CYRIB: variants seen among roughly 807,000 people sequenced by gnomAD.
CYRIB encodes CYFIP related Rac1 interactor B, also known as CYFIP-related Rac1 interactor B.
Under a neutral mutation model 44.2 loss-of-function variants are expected in CYRIB, and 8 were observed. The ratio of observed to expected loss-of-function variants is 0.18; its 90% CI spans 0.11 to 0.33. The LOEUF is 0.33. Among genes scored for constraint, CYRIB ranks in the 10% least tolerant of loss-of-function variants. CYRIB has a pLI of 1.00. For missense variants in CYRIB, 185 were observed against 382.8 expected (o/e 0.48, Z 4.31); for synonymous variants, 131 against 127.2 (o/e 1.03, Z -0.20).
At chr8:129,875,524 TTTA>T (rs2058811423) in intron 3 of CYRIB, among the ~76,000 whole-genome samples, 3 of 152,230 alleles carry the variant, frequency 2.0e-5, no homozygotes, top group African/African-American at 7.2e-5. Flanking sequence ...TTGAGTGCTT[TTTA>T]TATGCTGTCA....
chr8:129,932,410 G>C (rs2091772150), intron 1 of CYRIB, among the ~76,000 whole-genome samples: 1 of 152,108 alleles, frequency 6.6e-6, no homozygotes, highest in African/African-American at 2.4e-5. Flanking sequence ...CCAGAGCAAA[G>C]GGCAGGCGTG....
At chr8:129,933,087 C>G (rs2091980523) in intron 1 of CYRIB, among the ~76,000 whole-genome samples, 2 of 152,134 alleles carry the variant, frequency 1.3e-5, no homozygotes, top group African/African-American at 4.8e-5. Flanking sequence ...CAAGGAATCC[C>G]CTAAACTAAA....
At chr8:129,845,408 A>C (rs2039329378) in intron 11 of CYRIB, among the ~76,000 whole-genome samples, 1 of 152,236 alleles carries the variant, frequency 6.6e-6, no homozygotes, top group Non-Finnish European at 1.5e-5. Flanking sequence ...TGATATCATT[A>C]AATATTGGCA....
rs538824273 is a variant in CYRIB, at chr8:129,979,001, C to T, written c.-295-8006G>A. Among the ~76,000 whole-genome samples, 8 of 151,988 alleles carry T rather than the reference C, an allele frequency of 5.3e-5. No individual in the cohort carries two copies. In the South Asian group the frequency reaches 8.3e-4, roughly 16 times the overall value. On this transcript the variant is annotated intron_variant, in intron 1 of 14. Transcript: ENST00000401979. ...AAAAATACCAAAAAAATTAGCTGGGCGTAGTGGTGTGTGCCTGTAATCCCA... is the reference window on the plus strand; with the variant it reads ...AAAAATACCAAAAAAATTAGCTGGGTGTAGTGGTGTGTGCCTGTAATCCCA...
At chr8:129,868,615 A>G (rs746869787) in intron 4 of CYRIB, 2 of 152,112 alleles carry the variant, frequency 1.3e-5, no homozygotes, top group African/African-American at 2.4e-5. Flanking sequence ...GGAAAACAGC[A>G]CTACTGAGTG....
chr8:129,924,374 T>A (rs1238145838), intron 1 of CYRIB, among the ~76,000 whole-genome samples: 3 of 145,480 alleles, frequency 2.1e-5, no homozygotes, highest in African/African-American at 7.6e-5. Flanking sequence ...GGGGTAGATC[T>A]GTTTCCAGAA....
chr8:129,964,159 A>G (rs2095383835), intron 2 of CYRIB, among the ~76,000 whole-genome samples: 1 of 152,270 alleles, frequency 6.6e-6, no homozygotes, highest in Non-Finnish European at 1.5e-5. Flanking sequence ...CCTAAAGGTC[A>G]GTCTTTTTAA....
intron 2 of CYRIB, among the ~76,000 whole-genome samples, chr8:129,968,494 AT>A (rs1294674864): frequency 6.6e-6 from 1 of 152,146 alleles, no homozygotes; most frequent in Non-Finnish European, 1.5e-5. Flanking sequence ...TGGTTTTATT[AT>A]TTCCAACTTG....
At chr8:129,883,157 ATCTAAC>A (rs1461791179) in intron 2 of CYRIB, among the ~76,000 whole-genome samples, 1 of 144,964 alleles carries the variant, frequency 6.9e-6, no homozygotes, top group Admixed American at 7.0e-5. Context: ...GGCTCAGTTT[ATCTAAC>A]ACAGTGTTTC....
chr8:129,969,015 C>CTTTTTTTTTTTTTTTTTTTTTT (rs55873104), intron 2 of CYRIB, among the ~76,000 whole-genome samples: 1 of 76,866 alleles, frequency 1.3e-5, no homozygotes, highest in Non-Finnish European at 2.3e-5. Flanking sequence ...ATTTGTCCTC[C>CTTTTTTTTTTTTTTTTTTTTTT]TTTTTTTTTT....
upstream of CYRIB, among the ~76,000 whole-genome samples, chr8:130,016,851 T>C (rs1247655299): frequency 2.0e-5 from 3 of 151,916 alleles, no homozygotes; most frequent in Non-Finnish European, 2.9e-5. Context: ...CGGGGCGCGC[T>C]GCGATTGGGG....
chr8:129,928,738 AC>A (rs1254736151), intron 1 of CYRIB, among the ~76,000 whole-genome samples: 2 of 152,126 alleles, frequency 1.3e-5, no homozygotes, highest in Non-Finnish European at 2.9e-5. Context: ...GATTAGGGAA[AC>A]TCAAACCACA....
At chr8:130,004,923 C>T (rs28409866) in intron 1 of CYRIB, among the ~76,000 whole-genome samples, 9,746 of 151,820 alleles carry the variant, frequency 0.064, 1,013 homozygotes, top group African/African-American at 0.22. Context: ...CGTGCCACCA[C>T]ACCTGGCTAA....
intron 1 of CYRIB, among the ~76,000 whole-genome samples, chr8:129,980,688 A>C (rs2096195840): frequency 6.6e-6 from 1 of 151,818 alleles, no homozygotes; most frequent in African/African-American, 2.4e-5. Context: ...GAAAAAAAAA[A>C]CCATACTATG....
rs3832560 is a variant in CYRIB at position 129,862,362 on chromosome 8, T to TA, written c.196-29dup. The TA allele has an allele frequency of 3.6e-4, 558 of 1,531,858 alleles. 3 individuals are homozygous for TA. The East Asian group carries it at 9.5e-3, about 26-fold the overall frequency. The allele number at this position is 1,531,858 out of a possible 1,614,324, so 94.9% of individuals were successfully genotyped here. On this transcript the variant is annotated intron_variant, in intron 4 of 11. Coordinates refer to ENST00000519824, the Ensembl canonical transcript of CYRIB. ...TCAAAATCCAAAGAATAAAAATAGT[T>TA]AGAGTTAAAAAAAAAAAAAGGTTCA...
chr8:129,932,157 C>CA (rs748309787), intron 1 of CYRIB, among the ~76,000 whole-genome samples: 16 of 151,932 alleles, frequency 1.1e-4, no homozygotes, highest in Non-Finnish European at 2.2e-4. Context: ...CACCACTTCG[C>CA]CCAGCTAATT....
At chr8:129,959,920 G>A (rs556764580) in intron 2 of CYRIB, among the ~76,000 whole-genome samples, 5 of 152,258 alleles carry the variant, frequency 3.3e-5, no homozygotes, top group South Asian at 4.2e-4. Flanking sequence ...TTTCTCTCAC[G>A]ACTATGAAGG....
chr8:129,896,027 G>C (rs2067884820), intron 2 of CYRIB, among the ~76,000 whole-genome samples: 1 of 152,004 alleles, frequency 6.6e-6, no homozygotes. Context: ...CTATTATTTA[G>C]AACCATTTAT....
chr8:129,971,894 C>A (rs2095707858), intron 1 of CYRIB, among the ~76,000 whole-genome samples: 1 of 152,188 alleles, frequency 6.6e-6, no homozygotes, highest in Non-Finnish European at 1.5e-5. Flanking sequence ...GTTAACATCC[C>A]ATTTAATGCA....
Sources: gnomAD v4.1 joint callset for allele counts (sites outside exome capture counted in the v4.1 genomes callset) on GRCh38, gnomAD v4.1.1 for gene constraint, MANE v1.5 for transcripts, NCBI Gene and HGNC (gene_info 2026-07-23, HGNC 2026-07-21) for gene names.